The following SYNRG variants were observed in gnomAD, a reference collection of about 807,000 sequenced individuals.
SYNRG encodes the protein synergin gamma, also known as AP1 gamma subunit binding protein 1.
Under a neutral mutation model 130.9 loss-of-function variants are expected in SYNRG, and 37 were observed. The ratio of observed to expected loss-of-function variants is 0.28; its 90% CI spans 0.22 to 0.37. SYNRG has a LOEUF of 0.37. Among genes scored for constraint, SYNRG ranks in the 10% least tolerant of loss-of-function variants. SYNRG has a pLI of 1.00. For synonymous variants in SYNRG, 539 were observed against 568.1 expected (o/e 0.95, Z 0.73); for missense variants, 1,338 against 1,588.9 (o/e 0.84, Z 2.68).
chr17:37,529,720 C>CT, intron 19 of SYNRG: 2 of 1,477,920 alleles, frequency 1.4e-6, no homozygotes, highest in Non-Finnish European at 1.8e-6. Flanking sequence ...ACCCAGGAAT[C>CT]TCCCCACTTA....
intron 3 of SYNRG, among the ~76,000 whole-genome samples, chr17:37,590,308 C>T (rs934388554): frequency 2.0e-5 from 3 of 151,268 alleles, no homozygotes; most frequent in Admixed American, 2.0e-4. Flanking sequence ...CACAACATGA[C>T]ACTATAAACA....
intron 3 of SYNRG, among the ~76,000 whole-genome samples, chr17:37,587,036 A>G (rs2061744787): frequency 6.6e-6 from 1 of 152,246 alleles, no homozygotes; most frequent in South Asian, 2.1e-4. Context: ...AAGGCCTAAT[A>G]GTCAAACTTT....
chr17:37,532,970 T>A (rs2056792221), intron 19 of SYNRG, among the ~76,000 whole-genome samples: 1 of 152,248 alleles, frequency 6.6e-6, no homozygotes, highest in African/African-American at 2.4e-5. Flanking sequence ...TGGCCTATAT[T>A]GAGAAATGTA....
At chr17:37,531,735 C>A (rs551523980) in intron 19 of SYNRG, among the ~76,000 whole-genome samples, 3 of 151,268 alleles carry the variant, frequency 2.0e-5, no homozygotes, top group Admixed American at 2.0e-4. Flanking sequence ...ACTGTGATCA[C>A]GTCATTGTGC....
intron 19 of SYNRG, among the ~76,000 whole-genome samples, chr17:37,535,045 T>TA (rs1371655799): frequency 6.6e-6 from 1 of 151,988 alleles, no homozygotes; most frequent in African/African-American, 2.4e-5. Context: ...CAATGAAATG[T>TA]AAAAAAGGGA....
At chr17:37,523,151 A>C (rs1040880013) in intron 19 of SYNRG, among the ~76,000 whole-genome samples, 2 of 152,124 alleles carry the variant, frequency 1.3e-5, no homozygotes, top group Non-Finnish European at 2.9e-5. Flanking sequence ...GCAAGTTTAT[A>C]TCATTTGTGT....
intron 8 of SYNRG, among the ~76,000 whole-genome samples, chr17:37,574,594 AC>A (rs1334544411): frequency 1.3e-5 from 2 of 152,174 alleles, no homozygotes; most frequent in African/African-American, 4.8e-5. Context: ...GGGCAAGACA[AC>A]TGAACAGGCA....
At position 37,518,953 on chromosome 17, in the gene SYNRG, G is replaced by C; in HGVS notation, c.3932C>G (p.Pro1311Arg). 6.2e-7 allele frequency: 1 copy of C among 1,614,082 alleles called. No individual in the cohort carries two copies. Among genetic ancestry groups the C allele is most frequent in the Non-Finnish European group, 8.5e-7 (1 of 1,179,964 alleles). ...CAGAGGAGTTGTTCAGAGCAGGTCA[G>C]GCAGGACGAGGCCAGGAGGCTTTGG... ...VEPKPPGLVL[P>R]DLL Residue 1311 changes from proline to arginine, a missense_variant, in exon 22 of 22, where the codon CCT (proline) becomes CGT (arginine). This residue lies in a region of SYNRG where 1,146 missense variants were observed against 1,342.3 expected (regional missense o/e 0.85). Coordinates refer to ENST00000612223, the MANE Select transcript of SYNRG (RefSeq NM_007247.6).
At chr17:37,562,261 C>G (rs1005258192) in intron 11 of SYNRG, among the ~76,000 whole-genome samples, 1 of 152,224 alleles carries the variant, frequency 6.6e-6, no homozygotes, top group East Asian at 1.9e-4. Context: ...ACAACAATCA[C>G]TTCAAAATTA....
At chr17:37,551,955 C>T (rs1028012441) in intron 14 of SYNRG, among the ~76,000 whole-genome samples, 1 of 151,884 alleles carries the variant, frequency 6.6e-6, no homozygotes, top group African/African-American at 2.4e-5. Context: ...TGAAAAATAC[C>T]TTAGCAAGTA....
At chr17:37,573,284 C>A (rs972323677) in intron 8 of SYNRG, among the ~76,000 whole-genome samples, 5 of 151,794 alleles carry the variant, frequency 3.3e-5, no homozygotes, top group African/African-American at 4.8e-5. Context: ...ACGCCTGTAG[C>A]CCCAGCTACT....
chr17:37,546,931 C>T (rs994484130), intron 14 of SYNRG, among the ~76,000 whole-genome samples: 2 of 152,270 alleles, frequency 1.3e-5, no homozygotes, highest in Non-Finnish European at 1.5e-5. Flanking sequence ...CCCTTAGTCC[C>T]TATTCTATCT....
Position 37,542,544 on chromosome 17 carries a change from G to C in SYNRG, c.2630C>G (p.Ala877Gly). 6.2e-7 allele frequency: 1 copy of C among 1,611,360 alleles called. No individual in the cohort carries two copies. The highest frequency in any genetic ancestry group is 1.1e-5 in the South Asian group (1 of 91,066). Residue 877 changes from alanine to glycine, a missense_variant, in exon 15 of 22, where the codon GCT becomes GGT. Physicochemically the swap from Ala to Gly is moderately conservative, Grantham distance 60. This residue lies in a region of SYNRG where 1,146 missense variants were observed against 1,342.3 expected (regional missense o/e 0.85). Transcript: ENST00000612223. ...ATTGCTACTGTAGCTTCCAAAAGCA[G>C]CATATTTTAAGTCCTCTATATCTGA... Reference protein sequence around the residue: ...PAADIEDLKYAAFGSYSSNFA... With the variant: ...PAADIEDLKYGAFGSYSSNFA...
At chr17:37,580,776 A>G (rs2061268342) in intron 6 of SYNRG, among the ~76,000 whole-genome samples, 1 of 151,462 alleles carries the variant, frequency 6.6e-6, no homozygotes, top group Admixed American at 6.6e-5. Context: ...CTCATGATCT[A>G]CCTGCCTTGG....
At chr17:37,552,976 G>A (rs2058820174) in intron 14 of SYNRG, 139 bp downstream of exon 14, 2 of 733,896 alleles carry the variant, frequency 2.7e-6, no homozygotes, top group African/African-American at 3.6e-5. Context: ...CTGCTTTAAG[G>A]AGACTGGCAA....
rs746534138 is a variant in SYNRG, at chr17:37,554,035, G to A, written c.1688C>T (p.Ser563Phe). Residue 563 changes from serine (S) to phenylalanine (F), a missense_variant, in exon 14 of 22, where the codon TCT becomes TTT. Around this residue, in one of 3 missense-constraint regions of SYNRG, gnomAD observed 1,146 missense variants for 1,342.3 expected, o/e 0.85. Transcript: ENST00000612223. ...GGTGAAACCATCATCAGTTCCTGCA[G>A]ATCTGAATTCTGCAAAGCTTTCTCC... is the stretch of plus-strand genomic sequence containing the variant. ...PLGESFAEFR[S>F]AGTDDGFTDF... 1 of 1,602,394 alleles carries A rather than the reference G, an allele frequency of 6.2e-7. No individual in the cohort carries two copies. Among genetic ancestry groups the A allele is most frequent in the Non-Finnish European group, 8.5e-7 (1 of 1,177,490 alleles).
At chr17:37,603,604 G>A (rs2063485685) in intron 1 of SYNRG, among the ~76,000 whole-genome samples, 1 of 152,196 alleles carries the variant, frequency 6.6e-6, no homozygotes, top group South Asian at 2.1e-4. Context: ...TGCCATCAGA[G>A]CTCTTGGGTG....
Position 37,520,214 on chromosome 17 carries a change from T to G in SYNRG, c.3778A>C (p.Lys1260Gln). Residue 1260 changes from lysine (K) to glutamine (Q), a missense_variant and splice_region_variant, in exon 21 of 22, where the codon AAA becomes CAA. Transcript: ENST00000612223. The stretch of plus-strand genomic sequence containing the variant: ...TGTTCTTCTGCAGGCTTCTCTTCTT[T>G]CTGAAATAACGTTGAAACCACAGGT... The part of the protein sequence containing the change: ...CLLNVDSRSR[K>Q]EEKPAEEHPK... 6.2e-7 allele frequency: 1 copy of G among 1,614,218 alleles called. No homozygotes were observed. Among genetic ancestry groups the G allele is most frequent in the Non-Finnish European group, 8.5e-7 (1 of 1,180,038 alleles).
intron 19 of SYNRG, among the ~76,000 whole-genome samples, chr17:37,532,474 A>C (rs554687786): frequency 6.1e-4 from 93 of 152,188 alleles, no homozygotes; most frequent in Non-Finnish European, 1.2e-3. Context: ...GGAGTTCGAG[A>C]CCAGCCTGGC....
Sources: allele counts gnomAD v4.1 joint callset (sites outside exome capture counted in the v4.1 genomes callset), GRCh38; gene constraint gnomAD v4.1.1; regional missense constraint gnomAD v4.1.1; transcripts MANE v1.5; gene names NCBI Gene and HGNC (gene_info 2026-07-23, HGNC 2026-07-21).